Variants in ACSM5 observed in about 807,000 individuals in gnomAD.
ACSM5 encodes the protein acyl-coenzyme A synthetase ACSM5, mitochondrial.
ACSM5 carries 56 observed loss-of-function variants against 71.6 expected under a neutral mutation model. The observed-to-expected ratio is 0.78, with a 90% CI of 0.63 to 0.98. The LOEUF (loss-of-function observed/expected upper bound fraction) is 0.98. Ranked by LOEUF, ACSM5 falls within the 50% of genes least tolerant of loss-of-function variation. ACSM5 has a pLI of 0.00. For missense variants in ACSM5, 723 were observed against 726.0 expected (o/e 1.00, Z 0.05); for synonymous variants, 285 against 281.5 (o/e 1.01, Z -0.12).
intron 3 of ACSM5, among the ~76,000 whole-genome samples, chr16:20,418,977 T>G (rs2141644628): frequency 6.6e-6 from 1 of 152,280 alleles, no homozygotes; most frequent in African/African-American, 2.4e-5. Context: ...CTTAGAATGG[T>G]TCCTTCAGCA....
intron 6 of ACSM5, 67 bp from the exon 7 acceptor site, chr16:20,427,721 T>A: frequency 9.5e-7 from 1 of 1,049,362 alleles, no homozygotes; most frequent in East Asian, 2.4e-5. Context: ...AAGATGCATT[T>A]GGCTCCATCT....
chr16:20,427,984 TATA>T (rs1482395959), intron 7 of ACSM5, 117 bp downstream of exon 7: 1 of 808,860 alleles, frequency 1.2e-6, no homozygotes, highest in Non-Finnish European at 2.1e-6. Flanking sequence ...TCTCTCCCTC[TATA>T]TATTTTTCTG....
intron 8 of ACSM5, among the ~76,000 whole-genome samples, chr16:20,430,166 C>G (rs1318261404): frequency 1.3e-5 from 2 of 150,812 alleles, no homozygotes; most frequent in Non-Finnish European, 1.5e-5. Context: ...ATCCATGTTA[C>G]AAAAAAACGC....
At chr16:20,426,298 A>G (rs963985344) in intron 6 of ACSM5, among the ~76,000 whole-genome samples, 4 of 152,202 alleles carry the variant, frequency 2.6e-5, no homozygotes, top group African/African-American at 4.8e-5. Flanking sequence ...TGTTTTCATT[A>G]TCTATTGCTA....
intron 3 of ACSM5, 119 bp from the exon 4 acceptor site, chr16:20,419,109 T>A: frequency 1.3e-6 from 1 of 789,502 alleles, no homozygotes; most frequent in Non-Finnish European, 2.1e-6. Context: ...ATTATTATTG[T>A]TACGTCTTCC....
intron 2 of ACSM5, among the ~76,000 whole-genome samples, chr16:20,415,741 C>G (rs2141641171): frequency 6.6e-6 from 1 of 152,156 alleles, no homozygotes; most frequent in East Asian, 1.9e-4. Context: ...GAAAGCAAAG[C>G]CACAATCACA....
At chr16:20,439,779 G>A (rs764659616) in intron 12 of ACSM5, 21 bp from the exon 13 acceptor site, 4 of 1,606,494 alleles carry the variant, frequency 2.5e-6, no homozygotes, top group African/African-American at 2.7e-5. Flanking sequence ...GATCTTTTCT[G>A]GGTATTTTGT....
At chr16:20,415,183 T>C (rs1452178270) in intron 2 of ACSM5, among the ~76,000 whole-genome samples, 2 of 152,102 alleles carry the variant, frequency 1.3e-5, no homozygotes, top group African/African-American at 2.4e-5. Context: ...TAAGCAAAAA[T>C]AGAGCCAGAA....
intron 6 of ACSM5, among the ~76,000 whole-genome samples, chr16:20,427,403 C>G (rs28645560): frequency 6.8e-6 from 1 of 147,858 alleles, no homozygotes. Flanking sequence ...ACTGTGTGCA[C>G]CTGTCCGTAG....
In ACSM5 at chr16:20,433,672, A is replaced by G. The variant is rs189576048; in HGVS notation, c.1308+2351A>G. On this transcript the variant is annotated intron_variant, in intron 10 of 13. Coordinates refer to ENST00000331849, the MANE Select transcript of ACSM5 (RefSeq NM_017888.3). Reference sequence around the variant, plus strand: ...CACCACACAGAAATATTATGCAACTATTTAATACAATTTTTTTTTGGAAGC... The same window carrying G: ...CACCACACAGAAATATTATGCAACTGTTTAATACAATTTTTTTTTGGAAGC... 5.1e-3 allele frequency among the ~76,000 whole-genome samples: 616 copies of G among 119,792 alleles called. 5 individuals are homozygous for G. Among genetic ancestry groups the G allele is most frequent in the African/African-American group, 0.023 (582 of 24,800 alleles). 78.6% of individuals were successfully genotyped at this position (119,792 alleles called of 152,430 possible).
At position 20,411,643 on chromosome 16, in the gene ACSM5, C is replaced by T. The variant is rs1356380816; in HGVS notation, c.159C>T (p.Phe53=). The change falls in exon 2 of 14, where the codon TTC becomes TTT. Residue 53 remains phenylalanine, a synonymous_variant. Coordinates refer to ENST00000331849, the MANE Select transcript of ACSM5 (RefSeq NM_017888.3). ...GAAGGCAGCTGGTGCCTGAGTACTT[C>T]AACTTCGCCCATGATGTGCTGGATG... ...SLGRQLVPEY[F]NFAHDVLDVW... is the part of the protein sequence containing the mutation. The T allele has an allele frequency of 6.2e-7, 1 of 1,614,038 alleles. No individual in the cohort carries two copies. The highest frequency in any genetic ancestry group is 1.3e-5 in the African/African-American group (1 of 74,926).
At chr16:20,413,518 A>G (rs1210144826) in intron 2 of ACSM5, among the ~76,000 whole-genome samples, 2 of 152,244 alleles carry the variant, frequency 1.3e-5, no homozygotes, top group Non-Finnish European at 2.9e-5. Context: ...ACAATCACAG[A>G]CAAATGTTTT....
intron 3 of ACSM5, among the ~76,000 whole-genome samples, chr16:20,418,617 T>A (rs555946944): frequency 6.6e-6 from 1 of 152,316 alleles, no homozygotes; most frequent in South Asian, 2.1e-4. Flanking sequence ...TTGAAAACTC[T>A]GGATTTTTAT....
chr16:20,413,903 T>C (rs1166054128), intron 2 of ACSM5, among the ~76,000 whole-genome samples: 1 of 152,134 alleles, frequency 6.6e-6, no homozygotes, highest in African/African-American at 2.4e-5. Flanking sequence ...TGTCTAATCA[T>C]AAGATGACTA....
At chr16:20,424,989 G>A (rs1021084043) in intron 6 of ACSM5, among the ~76,000 whole-genome samples, 10 of 152,208 alleles carry the variant, frequency 6.6e-5, no homozygotes, top group African/African-American at 2.4e-4. Flanking sequence ...TATCTTTTGT[G>A]TTACAATCTA....
intron 13 of ACSM5, 124 bp from the exon 14 acceptor site, chr16:20,440,220 G>C: frequency 4.0e-6 from 3 of 753,280 alleles, no homozygotes; most frequent in Non-Finnish European, 6.7e-6. Context: ...TGGCCATTTA[G>C]GGGGAAACCC....
At chr16:20,418,309 A>G in intron 3 of ACSM5, 40 bp downstream of exon 3, 2 of 1,566,936 alleles carry the variant, frequency 1.3e-6, no homozygotes, top group Non-Finnish European at 1.7e-6. Flanking sequence ...GGGGGCAGAC[A>G]CAACTTGCCA....
intron 2 of ACSM5, among the ~76,000 whole-genome samples, chr16:20,414,131 AC>A (rs1966852316): frequency 1.3e-5 from 2 of 152,350 alleles, no homozygotes; most frequent in Middle Eastern, 6.8e-3. Flanking sequence ...TTTACAAGAT[AC>A]GCAAAGAAAC....
chr16:20,413,846 C>T (rs1250547307), intron 2 of ACSM5, among the ~76,000 whole-genome samples: 3 of 152,094 alleles, frequency 2.0e-5, no homozygotes, highest in African/African-American at 7.2e-5. Context: ...CCAACACCCA[C>T]CCAAAGACTG....
Sources: allele counts gnomAD v4.1 joint callset (sites outside exome capture counted in the v4.1 genomes callset), GRCh38; gene constraint gnomAD v4.1.1; transcripts MANE v1.5; gene names NCBI Gene and HGNC (gene_info 2026-07-23, HGNC 2026-07-21).